Variants in MARCHF11 observed in about 807,000 individuals in gnomAD.
The protein encoded by MARCHF11 is E3 ubiquitin-protein ligase MARCHF11.
Under a neutral mutation model 37.3 loss-of-function variants are expected in MARCHF11, and 29 were observed. That is an observed-to-expected ratio of 0.78 (90% confidence interval 0.58 to 1.06). MARCHF11 has a LOEUF of 1.06. MARCHF11 is among the 50% of genes least tolerant of loss of function. The pLI is 0.00. For synonymous variants in MARCHF11, 233 were observed against 228.0 expected, an observed-to-expected ratio of 1.02 and a Z score of -0.20; for missense variants, 482 against 533.4, an observed-to-expected ratio of 0.90 and a Z score of 0.95.
chr5:16,164,225 C>T (rs1304666856), intron 2 of MARCHF11, among the ~76,000 whole-genome samples: 1 of 152,050 alleles, frequency 6.6e-6, no homozygotes, highest in Non-Finnish European at 1.5e-5. Context: ...ACTTAATAAA[C>T]ATATTTGCAC....
At chr5:16,127,657 C>T (rs1737433825) in intron 2 of MARCHF11, among the ~76,000 whole-genome samples, 1 of 152,178 alleles carries the variant, frequency 6.6e-6, no homozygotes, top group Non-Finnish European at 1.5e-5. Context: ...GAGGGACCGT[C>T]CTAACTGTAG....
intron 2 of MARCHF11, among the ~76,000 whole-genome samples, chr5:16,111,390 T>C (rs1382393685): frequency 6.6e-6 from 1 of 152,316 alleles, no homozygotes; most frequent in South Asian, 2.1e-4. Flanking sequence ...GAGGTACTTG[T>C]TGGCAACTGG....
chr5:16,170,835 A>G (rs1020505100), intron 2 of MARCHF11, among the ~76,000 whole-genome samples: 1 of 152,158 alleles, frequency 6.6e-6, no homozygotes, highest in African/African-American at 2.4e-5. Context: ...AGACATTCAG[A>G]AGGGAATATT....
At chr5:16,175,187 T>G (rs1292862005) in intron 2 of MARCHF11, among the ~76,000 whole-genome samples, 1 of 152,198 alleles carries the variant, frequency 6.6e-6, no homozygotes, top group Non-Finnish European at 1.5e-5. Context: ...TGATGTTGCA[T>G]GCAGAGAAAG....
chr5:16,100,859 C>G (rs556475804), intron 2 of MARCHF11, among the ~76,000 whole-genome samples: 2 of 152,256 alleles, frequency 1.3e-5, no homozygotes, highest in East Asian at 3.9e-4. Context: ...GACTGACTAG[C>G]AAGCATTAAT....
Position 16,067,716 on chromosome 5 carries a change from A to T in MARCHF11, c.964T>A (p.Leu322Ile), listed in dbSNP as rs750490048. The T allele has an allele frequency of 5.0e-6, 8 of 1,613,910 alleles. No individual in the cohort carries two copies. The highest frequency in any genetic ancestry group is 3.3e-5 in the Admixed American group (2 of 60,008). The change falls in exon 4 of 4, where the codon TTA (leucine) becomes ATA (isoleucine). Residue 322 changes from leucine to isoleucine, a missense_variant. By Grantham distance (5) the Leu-to-Ile change is conservative. Transcript: ENST00000332432. ...ATGTCTGTGGCTTTGTCATAATTTAACACATCCCAGTGCAAATTCACAGCT... is the reference window on the plus strand; with the variant it reads ...ATGTCTGTGGCTTTGTCATAATTTATCACATCCCAGTGCAAATTCACAGCT... Reference protein sequence around the residue: ...WRAVNLHWDVLNYDKATDIEE... With the variant: ...WRAVNLHWDVINYDKATDIEE...
chr5:16,094,336 T>C (rs144430048), intron 2 of MARCHF11, among the ~76,000 whole-genome samples: 72 of 152,330 alleles, frequency 4.7e-4, no homozygotes, highest in African/African-American at 1.7e-3. Context: ...TTTGCTTCGA[T>C]GATAAAAGTA....
chr5:16,146,864 A>G (rs191697201), intron 2 of MARCHF11, among the ~76,000 whole-genome samples: 2 of 152,110 alleles, frequency 1.3e-5, no homozygotes, highest in African/African-American at 2.4e-5. Context: ...CTTTTCTTCT[A>G]TTATGGTACT....
At chr5:16,084,140 T>C (rs969709344) in intron 3 of MARCHF11, among the ~76,000 whole-genome samples, 7 of 152,206 alleles carry the variant, frequency 4.6e-5, no homozygotes, top group Admixed American at 4.6e-4. Flanking sequence ...TACCCTCACT[T>C]TAAAAAATGT....
At chr5:16,126,939 AG>A (rs1413601957) in intron 2 of MARCHF11, among the ~76,000 whole-genome samples, 5 of 152,214 alleles carry the variant, frequency 3.3e-5, no homozygotes, top group East Asian at 3.8e-4. Flanking sequence ...AATATTTTTA[AG>A]GGGTCATAAA....
rs1225103870 is a variant in MARCHF11 at position 16,179,069 on chromosome 5, G to A, written c.507C>T (p.Ile169=). ...CCGCGCCCTGGAAGCAGATCTTGCAGATGGGCTGGTGGTGCTGGTGCTGGT... is the reference window on the plus strand; with the variant it reads ...CCGCGCCCTGGAAGCAGATCTTGCAAATGGGCTGGTGGTGCTGGTGCTGGT... ...AGHQHQHHQP[I]CKICFQGAEQ... Residue 169 remains isoleucine, a synonymous_variant, in exon 1 of 4, where the codon ATC becomes ATT. Coordinates refer to ENST00000332432, the MANE Select transcript of MARCHF11 (RefSeq NM_001102562.3). The A allele has an allele frequency of 6.7e-7, 1 of 1,491,514 alleles. No homozygotes were observed. The highest frequency in any genetic ancestry group is 2.2e-5 in the Admixed American group (1 of 45,798). 92.4% of individuals were successfully genotyped at this position (1,491,514 alleles called of 1,614,324 possible). A position where few individuals can be genotyped will look rare whatever the true frequency, so the allele number is the denominator to read the frequency against.
chr5:16,141,092 T>C (rs1229250935), intron 2 of MARCHF11: 1 of 152,448 alleles, frequency 6.6e-6, no homozygotes. Flanking sequence ...CGGATTTATT[T>C]TGTGAGTTGG....
At chr5:16,090,772 G>T in intron 3 of MARCHF11, 117 bp downstream of exon 3, 1 of 749,256 alleles carries the variant, frequency 1.3e-6, no homozygotes, top group Non-Finnish European at 1.9e-6. Flanking sequence ...TTCATTAACA[G>T]GAGAACTGAG....
At chr5:16,078,735 G>A (rs922253656) in intron 3 of MARCHF11, among the ~76,000 whole-genome samples, 2 of 152,194 alleles carry the variant, frequency 1.3e-5, no homozygotes, top group Admixed American at 6.5e-5. Flanking sequence ...ATGGGGACAG[G>A]TGGCTCTTCT....
intron 3 of MARCHF11, among the ~76,000 whole-genome samples, chr5:16,077,303 A>C (rs1165026950): frequency 6.6e-6 from 1 of 152,170 alleles, no homozygotes; most frequent in Non-Finnish European, 1.5e-5. Flanking sequence ...GTGAAAATAA[A>C]TACAACTAAT....
At chr5:16,113,713 T>C (rs955790176) in intron 2 of MARCHF11, among the ~76,000 whole-genome samples, 2 of 152,238 alleles carry the variant, frequency 1.3e-5, no homozygotes, top group Admixed American at 6.5e-5. Flanking sequence ...GACACATGCA[T>C]ACAATGTGTA....
In MARCHF11 at chr5:16,179,060, G is replaced by A; in HGVS notation, c.516C>T (p.Ile172=). The change falls in exon 1 of 4, where the codon ATC becomes ATT. Residue 172 remains isoleucine, a synonymous_variant. Coordinates refer to ENST00000332432, the MANE Select transcript of MARCHF11 (RefSeq NM_001102562.3). ...TTACCTGCTCCGCGCCCTGGAAGCAGATCTTGCAGATGGGCTGGTGGTGCT... is the reference window on the plus strand; with the variant it reads ...TTACCTGCTCCGCGCCCTGGAAGCAAATCTTGCAGATGGGCTGGTGGTGCT... ...QHQHHQPICK[I]CFQGAEQGEL... The A allele has an allele frequency of 6.7e-7, 1 of 1,488,776 alleles. No individual in the cohort carries two copies. The highest frequency in any genetic ancestry group is 8.9e-7 in the Non-Finnish European group (1 of 1,125,846). 92.2% of individuals were successfully genotyped at this position (1,488,776 alleles called of 1,614,324 possible).
chr5:16,158,386 T>G (rs1738014344), intron 2 of MARCHF11, among the ~76,000 whole-genome samples: 1 of 151,944 alleles, frequency 6.6e-6, no homozygotes, highest in Non-Finnish European at 1.5e-5. Context: ...CATCAACAGA[T>G]GAATGAATAA....
intron 2 of MARCHF11, among the ~76,000 whole-genome samples, chr5:16,123,261 C>T (rs1737342488): frequency 6.6e-6 from 1 of 152,052 alleles, no homozygotes; most frequent in African/African-American, 2.4e-5. Context: ...GAAATGAGGT[C>T]ATTCGGGTGG....
Sources: allele counts gnomAD v4.1 joint callset (sites outside exome capture counted in the v4.1 genomes callset), GRCh38; gene constraint gnomAD v4.1.1; transcripts MANE v1.5; gene names NCBI Gene and HGNC (gene_info 2026-07-23, HGNC 2026-07-21).